The following PCDHGB1 variants were observed in gnomAD, a reference collection of about 807,000 sequenced individuals.
PCDHGB1 encodes protocadherin gamma-B1.
PCDHGB1 carries 34 observed loss-of-function variants against 56.6 expected under a neutral mutation model. The ratio of observed to expected loss-of-function variants is 0.60; its 90% CI spans 0.46 to 0.80. The LOEUF (loss-of-function observed/expected upper bound fraction) is 0.80, where lower values mean the gene tolerates loss of function less well. PCDHGB1 is among the 30% of genes least tolerant of loss of function. PCDHGB1 has a pLI of 0.00. For synonymous variants in PCDHGB1, 561 were observed against 505.9 expected, an observed-to-expected ratio of 1.11 and a Z score of -1.46; for missense variants, 1,278 against 1,204.6, an observed-to-expected ratio of 1.06 and a Z score of -0.90.
At chr5:141,457,422 T>TC (rs1038085994) in intron 1 of PCDHGB1, among the ~76,000 whole-genome samples, 6 of 151,626 alleles carry the variant, frequency 4.0e-5, no homozygotes, top group African/African-American at 7.3e-5. Flanking sequence ...CATCCCTTTT[T>TC]CCCCCCCACC....
rs2099692694 is a variant in PCDHGB1, at chr5:141,489,817, GAGCTGGTGCTAGAGCAGC to G, written c.2410-4983_2410-4966del. On this transcript the variant is annotated intron_variant, in intron 1 of 3. Transcript: ENST00000523390. This position sits in a 1 kb window ranked among gnomAD's most constrained non-coding sequence, Gnocchi z 4.5. ...CCTAAAAGATGGGAAGCCATTCCCA[GAGCTGGTGCTAGAGCAGC>G]AGCTGGATCGTGAAGCCCAGGCAAG... 6 of 1,613,992 alleles carry G rather than the reference GAGCTGGTGCTAGAGCAGC, an allele frequency of 3.7e-6. No individual in the cohort carries two copies. Among genetic ancestry groups the G allele is most frequent in the Non-Finnish European group, 5.1e-6 (6 of 1,179,944 alleles).
intron 1 of PCDHGB1, chr5:141,375,512 C>T (rs1300082311): frequency 1.3e-5 from 21 of 1,613,936 alleles, no homozygotes; most frequent in Non-Finnish European, 1.7e-5. Flanking sequence ...TGTGAATGCA[C>T]TGGACCCTGA....
intron 1 of PCDHGB1, chr5:141,391,114 A>G (rs2092301730): frequency 6.6e-6 from 1 of 152,176 alleles, no homozygotes; most frequent in African/African-American, 2.4e-5. Context: ...TAATATAGCT[A>G]GAGGTCTTCT....
intron 1 of PCDHGB1, chr5:141,419,602 C>T (rs757423030): frequency 6.2e-7 from 1 of 1,611,874 alleles, no homozygotes; most frequent in Admixed American, 1.7e-5. Flanking sequence ...TGCCGCGGGC[C>T]GCGCAGCCAG....
At chr5:141,372,209 C>T (rs1768496951) in intron 1 of PCDHGB1, 2 of 1,613,638 alleles carry the variant, frequency 1.2e-6, no homozygotes, top group Non-Finnish European at 1.7e-6. Context: ...CCTGGCTGTC[C>T]TACCACATTG....
intron 1 of PCDHGB1, among the ~76,000 whole-genome samples, chr5:141,434,192 A>G (rs2097676888): frequency 6.6e-6 from 1 of 152,194 alleles, no homozygotes; most frequent in Non-Finnish European, 1.5e-5. Context: ...TGTAATTCCA[A>G]TGTACTTACT....
Position 141,499,029 on chromosome 5 carries a change from A to AAGGAAGG in PCDHGB1, c.2468+4165_2468+4166insGGAAGGA, listed in dbSNP as rs1562187768. Among the ~76,000 whole-genome samples, 348 of 140,068 alleles carry AAGGAAGG rather than the reference A, an allele frequency of 2.5e-3. 2 individuals carry two copies. The highest frequency in any genetic ancestry group is 9.3e-3 in the African/African-American group (335 of 36,066). The allele number at this position is 140,068 out of a possible 152,430, so 91.9% of individuals were successfully genotyped here. ...GGAAGGAAGGAAGGAAGGAAGGAAG[A>AAGGAAGG]AAAGAAAGAAAAAGGGAGAAAAAAT... is the stretch of plus-strand genomic sequence containing the variant. On this transcript the variant is annotated intron_variant, in intron 2 of 3. Transcript: ENST00000523390.
Position 141,451,680 on chromosome 5 carries a change from A to G in PCDHGB1, c.2410-43127A>G, listed in dbSNP as rs189200375. Among the ~76,000 whole-genome samples, 85 of 152,310 alleles carry G rather than the reference A, an allele frequency of 5.6e-4. 1 individual carries two copies. The East Asian group carries it at 0.012, about 21-fold the overall frequency. On this transcript the variant is annotated intron_variant, in intron 1 of 3. Coordinates refer to ENST00000523390, the MANE Select transcript of PCDHGB1 (RefSeq NM_018922.3). The stretch of plus-strand genomic sequence containing the variant: ...GTGGACTGCTTGAGCCCAGGAGTTC[A>G]AGACCAGCCTGGGTAACATGACAAA...
chr5:141,417,936 A>G (rs1266177574), intron 1 of PCDHGB1: 3 of 1,612,080 alleles, frequency 1.9e-6, no homozygotes, highest in Non-Finnish European at 1.7e-6. Flanking sequence ...CCTTTGTTCT[A>G]CCCCACGCTG....
chr5:141,505,891 G>A (rs541853565), intron 3 of PCDHGB1, among the ~76,000 whole-genome samples: 9 of 152,288 alleles, frequency 5.9e-5, no homozygotes, highest in Admixed American at 5.9e-4. Context: ...GATTAAATGA[G>A]ATGATACCAC....
In PCDHGB1 at chr5:141,419,332, C is replaced by T. The variant is rs1356380695; in HGVS notation, c.2409+66663C>T. On this transcript the variant is annotated intron_variant, in intron 1 of 3. Transcript: ENST00000523390. Reference sequence around the variant, plus strand: ...TCAACGGCCGTGTCTCCTACTCTCTCATTGCCAGCGACCTGGAGTCACGAA... The same window carrying T: ...TCAACGGCCGTGTCTCCTACTCTCTTATTGCCAGCGACCTGGAGTCACGAA... 3.7e-6 allele frequency: 6 copies of T among 1,613,832 alleles called. No individual in the cohort carries two copies. The Admixed American group carries it at 8.3e-5, about 22-fold the overall frequency.
At position 141,389,227 on chromosome 5, in the gene PCDHGB1, C is replaced by T. The variant is rs1412412051; in HGVS notation, c.2409+36558C>T. On this transcript the variant is annotated intron_variant, in intron 1 of 3. Transcript: ENST00000523390. ...ATTGGTGATGTAAATGACAACGCTC[C>T]GGTTTTCTCACAGTCTTCCTATATA... 35 of 1,614,024 alleles carry T rather than the reference C, an allele frequency of 2.2e-5. No homozygotes were observed. Among genetic ancestry groups the T allele is most frequent in the Non-Finnish European group, 2.8e-5 (33 of 1,179,882 alleles).
intron 1 of PCDHGB1, chr5:141,384,826 G>T: frequency 6.2e-7 from 1 of 1,613,472 alleles, no homozygotes; most frequent in Non-Finnish European, 8.5e-7. Context: ...GCAGAGCCTC[G>T]TGGTGGCCGT....
chr5:141,489,126 T>G lies in PCDHGB1; in HGVS notation c.2410-5681T>G. 31 of 585,108 alleles carry G rather than the reference T, an allele frequency of 5.3e-5. No homozygotes were observed. Among genetic ancestry groups the G allele is most frequent in the South Asian group, 1.3e-4 (4 of 31,402 alleles). 36.2% of individuals were successfully genotyped at this position (585,108 alleles called of 1,614,324 possible). On this transcript the variant is annotated intron_variant, in intron 1 of 3. Transcript: ENST00000523390. The surrounding 1 kb of genome is among the most constrained non-coding windows in gnomAD (Gnocchi z 4.5). ...TGCAAGCAGGCAAACCTCCGAGCAG[T>G]TTTTAAGAGGCTGGAAGGAGACATA...
chr5:141,431,681 G>A lies in PCDHGB1; in HGVS notation c.2410-63126G>A. The A allele has an allele frequency of 6.2e-7, 1 of 1,614,214 alleles. No homozygotes were observed. The highest frequency in any genetic ancestry group is 1.1e-5 in the South Asian group (1 of 91,086). ...GACAATATCAACAATAGGGGAGTTG[G>A]ACCACGAGGAGTCAGGATTCTACCA... On this transcript the variant is annotated intron_variant, in intron 1 of 3. Coordinates refer to ENST00000523390, the MANE Select transcript of PCDHGB1 (RefSeq NM_018922.3). This position sits in a 1 kb window ranked among gnomAD's most constrained non-coding sequence, Gnocchi z 4.8.
At chr5:141,360,940 C>T in intron 1 of PCDHGB1, 5 of 1,613,890 alleles carry the variant, frequency 3.1e-6, no homozygotes, top group Non-Finnish European at 4.2e-6. Flanking sequence ...AGCCACCGAC[C>T]GGGATGAAGG....
intron 1 of PCDHGB1, chr5:141,411,549 A>G (rs1169343676): frequency 6.6e-6 from 1 of 152,210 alleles, no homozygotes; most frequent in African/African-American, 2.4e-5. Flanking sequence ...TTGCCACTGC[A>G]CTCCAGCCTG....
intron 1 of PCDHGB1, chr5:141,366,727 A>G: frequency 1.2e-6 from 2 of 1,613,036 alleles, no homozygotes; most frequent in Non-Finnish European, 1.7e-6. Context: ...AGGTAGATGC[A>G]AACAAAGAAG....
chr5:141,392,971 G>T (rs2092639952), intron 1 of PCDHGB1: 1 of 1,613,896 alleles, frequency 6.2e-7, no homozygotes, highest in Non-Finnish European at 8.5e-7. Flanking sequence ...AAGGACCTGG[G>T]GCTGGACCCC....
Sources: allele counts gnomAD v4.1 joint callset (sites outside exome capture counted in the v4.1 genomes callset), GRCh38; gene constraint gnomAD v4.1.1; non-coding constraint Gnocchi (gnomAD v3.1); transcripts MANE v1.5; gene names NCBI Gene and HGNC (gene_info 2026-07-23, HGNC 2026-07-21).